HERC2: variants seen among roughly 807,000 people sequenced by gnomAD.
The protein encoded by HERC2 is E3 ubiquitin-protein ligase HERC2.
In HERC2, 102 loss-of-function variants were observed where a neutral mutation model predicts 537.7. The ratio of observed to expected loss-of-function variants is 0.19; its 90% CI spans 0.16 to 0.22. The LOEUF is 0.22. Ranked by LOEUF, HERC2 falls within the 10% of genes least tolerant of loss-of-function variation. The probability of loss-of-function intolerance (pLI) is 1.00; values close to 1 mark genes in which losing one functional copy is unlikely to be tolerated. For missense variants in HERC2, 4,236 were observed against 6,198.2 expected (o/e 0.68, Z 10.63); for synonymous variants, 2,224 against 2,466.2 (o/e 0.90, Z 2.91).
At chr15:28,187,421 TC>T (rs1415189853) in intron 55 of HERC2, among the ~76,000 whole-genome samples, 1 of 151,956 alleles carries the variant, frequency 6.6e-6, no homozygotes, top group Non-Finnish European at 1.5e-5. Flanking sequence ...AACCCCTGCC[TC>T]CCGGGTTCAA....
chr15:28,198,548 G>A, intron 49 of HERC2, 45 bp from the exon 50 acceptor site: 1 of 1,609,658 alleles, frequency 6.2e-7, no homozygotes, highest in Non-Finnish European at 8.5e-7. Context: ...ATTCATTTAA[G>A]GGAATTTTGT....
At chr15:28,182,097 T>C (rs536579182) in intron 57 of HERC2, among the ~76,000 whole-genome samples, 8 of 152,226 alleles carry the variant, frequency 5.3e-5, no homozygotes, top group Non-Finnish European at 1.2e-4. Context: ...TTGTTCATGA[T>C]AGTCAAAAAT....
chr15:28,226,354 A>G (rs1265658269), intron 35 of HERC2, among the ~76,000 whole-genome samples: 5 of 148,766 alleles, frequency 3.4e-5, no homozygotes, highest in Admixed American at 2.6e-4. Flanking sequence ...ACACTTCTCA[A>G]TTTTAAAACA....
At chr15:28,225,237 G>GT (rs1773596622) in intron 35 of HERC2, among the ~76,000 whole-genome samples, 1 of 151,412 alleles carries the variant, frequency 6.6e-6, no homozygotes, top group Non-Finnish European at 1.5e-5. Flanking sequence ...TGAAGGAAAA[G>GT]TAAGACCCTG....
chr15:28,318,052 C>T (rs2077135841), intron 2 of HERC2, among the ~76,000 whole-genome samples: 1 of 152,168 alleles, frequency 6.6e-6, no homozygotes. Context: ...TGGACTTATG[C>T]TCAAAGACAT....
chr15:28,229,996 T>C, intron 31 of HERC2, 149 bp from the exon 32 acceptor site: 1 of 690,716 alleles, frequency 1.4e-6, no homozygotes, highest in Non-Finnish European at 2.5e-6. Flanking sequence ...ATGCTATAAA[T>C]ATACTTATAA....
intron 17 of HERC2, 104 bp downstream of exon 17, chr15:28,256,957 T>A: frequency 1.0e-6 from 1 of 959,452 alleles, no homozygotes; most frequent in Non-Finnish European, 1.6e-6. Flanking sequence ...TTTAAAATAT[T>A]TCACCGAACA....
intron 10 of HERC2, among the ~76,000 whole-genome samples, chr15:28,270,319 A>T (rs1219312933): frequency 6.6e-6 from 1 of 151,548 alleles, no homozygotes; most frequent in East Asian, 1.9e-4. Context: ...TATATAACAT[A>T]TAATTATACT....
Position 28,257,168 on chromosome 15 carries a change from G to T in HERC2, c.2410C>A (p.Leu804Ile). 6.2e-7 allele frequency: 1 copy of T among 1,613,864 alleles called. No homozygotes were observed. Among genetic ancestry groups the T allele is most frequent in the Non-Finnish European group, 8.5e-7 (1 of 1,179,778 alleles). The change falls in exon 17 of 93, where the codon CTC (leucine) becomes ATC (isoleucine). Residue 804 changes from leucine (L) to isoleucine (I), a missense_variant. Transcript: ENST00000261609. The part of the protein sequence containing the change: ...ICSMTFEQLD[L>I]LLRQVSEGMD... ...CCCTCACTCACCTGCCGAAGCAGGA[G>T]ATCCAGCTGCTCAAAAGTCATTGAG...
intron 2 of HERC2, among the ~76,000 whole-genome samples, chr15:28,305,726 T>C (rs1266280773): frequency 0.019 from 2,582 of 137,106 alleles, 43 homozygotes; most frequent in African/African-American, 0.067. Context: ...GAAACTACCA[T>C]CAGAGTGAAC....
At chr15:28,174,367 T>G in intron 65 of HERC2, 28 bp downstream of exon 65, 1 of 1,541,648 alleles carries the variant, frequency 6.5e-7, no homozygotes, top group Non-Finnish European at 8.9e-7. Flanking sequence ...TACAGAAAAA[T>G]CTCAGAGAAG....
At position 28,248,831 on chromosome 15, in the gene HERC2, A is replaced by C. The variant is rs113781720; in HGVS notation, c.3051-95T>G. On this transcript the variant is annotated intron_variant, in intron 20 of 92. Transcript: ENST00000261609. The stretch of plus-strand genomic sequence containing the variant: ...AAATCATGACAAATTAATATCACAA[A>C]CACAGATCATACATGATGACCTGCA... The C allele has an allele frequency of 6.9e-5, 67 of 970,606 alleles. 1 individual carries two copies. The African/African-American group carries it at 7.8e-4, about 11-fold the overall frequency. 60.1% of individuals were successfully genotyped at this position (970,606 alleles called of 1,614,324 possible). A position where few individuals can be genotyped will look rare whatever the true frequency, so the allele number is the denominator to read the frequency against.
At position 28,256,203 on chromosome 15, in the gene HERC2, C is replaced by T. The variant is rs199898039; in HGVS notation, c.2632G>A (p.Val878Met). The T allele has an allele frequency of 8.2e-5, 131 of 1,600,696 alleles. No individual in the cohort carries two copies. The highest frequency in any genetic ancestry group is 1.0e-4 in the Non-Finnish European group (118 of 1,179,850). ...TVVTLASSAG[V>M]LSTVQSAAQA... ...GCGGCCGACTGCACGGTGCTCAGCA[C>T]GCCCGCACTGCTGGCCAGGGTCACC... The change falls in exon 18 of 93, where the codon GTG becomes ATG. Residue 878 changes from valine to methionine, a missense_variant. Around this residue, in one of 27 missense-constraint regions of HERC2, gnomAD observed 754 missense variants for 1,085.0 expected, o/e 0.69. Coordinates refer to ENST00000261609, the MANE Select transcript of HERC2 (RefSeq NM_004667.6).
chr15:28,246,591 C>T (rs1483542086), intron 22 of HERC2, 151 bp downstream of exon 22: 21 of 569,836 alleles, frequency 3.7e-5, no homozygotes, highest in Non-Finnish European at 6.0e-5. Flanking sequence ...ACAGAACTGT[C>T]AGTAACTAAA....
chr15:28,181,498 T>G (rs1895815135), intron 57 of HERC2, among the ~76,000 whole-genome samples: 1 of 152,202 alleles, frequency 6.6e-6, no homozygotes, highest in South Asian at 2.1e-4. Flanking sequence ...GAGTTCTAAC[T>G]TTATTTCTCA....
Position 28,269,238 on chromosome 15 carries a change from G to C in HERC2, c.1446+10C>G. 1 of 1,610,822 alleles carries C rather than the reference G, an allele frequency of 6.2e-7. No homozygotes were observed. The highest frequency in any genetic ancestry group is 8.5e-7 in the Non-Finnish European group (1 of 1,178,084). On this transcript the variant is annotated intron_variant, in intron 11 of 92. Coordinates refer to ENST00000261609, the MANE Select transcript of HERC2 (RefSeq NM_004667.6). ...GGGAACACTGCAGGCACAGTGCCCAGAACACTCACCAGCGTGTCACTATTA... is the reference window on the plus strand; with the variant it reads ...GGGAACACTGCAGGCACAGTGCCCACAACACTCACCAGCGTGTCACTATTA...
chr15:28,252,368 T>C (rs1479449916), intron 20 of HERC2, among the ~76,000 whole-genome samples: 1 of 151,922 alleles, frequency 6.6e-6, no homozygotes, highest in Non-Finnish European at 1.5e-5. Flanking sequence ...ACAGGAACCC[T>C]AGACTCACCC....
At chr15:28,210,505 T>C (rs1364084860) in intron 44 of HERC2, among the ~76,000 whole-genome samples, 1 of 152,172 alleles carries the variant, frequency 6.6e-6, no homozygotes, top group Non-Finnish European at 1.5e-5. Flanking sequence ...TGGGCCAAAG[T>C]ATATAAATAC....
At position 28,272,949 on chromosome 15, in the gene HERC2, G is replaced by T. The variant is rs1321352221; in HGVS notation, c.856C>A (p.Gln286Lys). ...AGCAGGATGGCCAGGGCCAAGTGCT[G>T]GTCCTGCAGGGGGATGCTTCCTGGC... ...KGPGSIPLQDQHLALAILLEL... is the reference protein window; with the variant it reads ...KGPGSIPLQDKHLALAILLEL... Residue 286 changes from glutamine (Q) to lysine (K), a missense_variant, in exon 8 of 93, where the codon CAG becomes AAG. By Grantham distance (53) the Gln-to-Lys change is moderately conservative (BLOSUM62 1). Transcript: ENST00000261609. 3 of 1,612,402 alleles carry T rather than the reference G, an allele frequency of 1.9e-6. No individual in the cohort carries two copies. In the Admixed American group the frequency reaches 5.0e-5, roughly 27 times the overall value.
Sources: gnomAD v4.1 joint callset for allele counts (sites outside exome capture counted in the v4.1 genomes callset) on GRCh38, gnomAD v4.1.1 for gene constraint, gnomAD v4.1.1 regional missense constraint, MANE v1.5 for transcripts, NCBI Gene and HGNC (gene_info 2026-07-23, HGNC 2026-07-21) for gene names.